The following VPS53 variants were observed in gnomAD, a reference collection of about 807,000 sequenced individuals.
VPS53 encodes the protein VPS53 subunit of GARP complex, also known as vacuolar protein sorting-associated protein 53 homolog.
In VPS53, 70 loss-of-function variants were observed where a neutral mutation model predicts 107.0. That is an observed-to-expected ratio of 0.65 (90% confidence interval 0.54 to 0.80). The LOEUF is 0.80. Ranked by LOEUF, VPS53 falls within the 30% of genes least tolerant of loss-of-function variation. The pLI is 0.00. For missense variants in VPS53, 917 were observed against 1,049.4 expected (o/e 0.87, Z 1.74); for synonymous variants, 409 against 393.3 (o/e 1.04, Z -0.47).
At chr17:697,781 C>A (rs1490215752) in intron 3 of VPS53, among the ~76,000 whole-genome samples, 1 of 152,156 alleles carries the variant, frequency 6.6e-6, no homozygotes, top group East Asian at 1.9e-4. Context: ...TGGAGTACAT[C>A]AGGAATGACA....
intron 7 of VPS53, 79 bp downstream of exon 7, chr17:653,212 C>T (rs1026040055): frequency 6.3e-5 from 99 of 1,567,590 alleles, no homozygotes; most frequent in Non-Finnish European, 7.4e-5. Flanking sequence ...ATATACTTTC[C>T]CTCTGGTGAC....
intron 12 of VPS53, among the ~76,000 whole-genome samples, chr17:592,524 G>A (rs1034414479): frequency 2.0e-4 from 30 of 152,240 alleles, no homozygotes; most frequent in Non-Finnish European, 1.5e-4. Context: ...TGCAGTGGCT[G>A]GTACCGGTTG....
chr17:707,551 C>A (rs890069234), intron 2 of VPS53, among the ~76,000 whole-genome samples: 1 of 145,648 alleles, frequency 6.9e-6, no homozygotes, highest in Admixed American at 6.9e-5. Flanking sequence ...AAAATCAGTT[C>A]TGTGAAAAAT....
At chr17:596,503 C>A (rs8069154) in intron 12 of VPS53, among the ~76,000 whole-genome samples, 8,120 of 152,250 alleles carry the variant, frequency 0.053, 696 homozygotes, top group African/African-American at 0.18. Context: ...CTGCCCTGCC[C>A]TCCCCACCAA....
At chr17:708,264 T>G (rs1289698208) in intron 2 of VPS53, among the ~76,000 whole-genome samples, 1 of 151,984 alleles carries the variant, frequency 6.6e-6, no homozygotes, top group Non-Finnish European at 1.5e-5. Flanking sequence ...GGGTAAGGAG[T>G]GTGGGTCATC....
chr17:530,863 A>G (rs1304032492), intron 19 of VPS53, among the ~76,000 whole-genome samples: 1 of 152,230 alleles, frequency 6.6e-6, no homozygotes, highest in Non-Finnish European at 1.5e-5. Context: ...CTCACTTTAT[A>G]TAGTACTCAG....
intron 13 of VPS53, among the ~76,000 whole-genome samples, chr17:575,763 G>A (rs988370006): frequency 1.4e-5 from 2 of 146,342 alleles, no homozygotes; most frequent in Non-Finnish European, 3.0e-5. Context: ...GACCTAGTGC[G>A]TCCCAGAGAC....
rs143957110 is a variant in VPS53 at position 609,992 on chromosome 17, C to T, written c.1117-8096G>A. On this transcript the variant is annotated intron_variant, in intron 11 of 21. Coordinates refer to ENST00000437048, the MANE Select transcript of VPS53 (RefSeq NM_001128159.3). ...AATATAAAAAAAAAAATTAGCCAGG[C>T]GTGGTGGCGGGCGCCTGTAGTCCCA... Among the ~76,000 whole-genome samples, 315 of 151,958 alleles carry T rather than the reference C, an allele frequency of 2.1e-3. 4 individuals are homozygous for T. The East Asian group carries it at 0.051, about 25-fold the overall frequency.
intron 17 of VPS53, among the ~76,000 whole-genome samples, chr17:545,797 A>C (rs1163298542): frequency 6.6e-6 from 1 of 152,270 alleles, no homozygotes; most frequent in African/African-American, 2.4e-5. Context: ...TTACATAACA[A>C]AGCAGAAAGG....
intron 18 of VPS53, 98 bp downstream of exon 18, chr17:536,930 C>T (rs1910124813): frequency 6.8e-7 from 1 of 1,475,144 alleles, no homozygotes; most frequent in African/African-American, 1.4e-5. Context: ...AATCTCTGTG[C>T]TTGCTGCTTA....
At chr17:562,387 T>C in intron 14 of VPS53, 116 bp downstream of exon 14, 1 of 1,428,582 alleles carries the variant, frequency 7.0e-7, no homozygotes, top group Non-Finnish European at 9.6e-7. Context: ...TCAGGAAGCG[T>C]GCTTTCCTCC....
chr17:699,246 A>T (rs2143930569), intron 3 of VPS53, 85 bp downstream of exon 3: 1 of 1,149,006 alleles, frequency 8.7e-7, no homozygotes, highest in South Asian at 2.4e-5. Flanking sequence ...CAGTGCTCTC[A>T]CAGAAAAATG....
In VPS53 at chr17:508,999, A is replaced by C. The variant is rs989432504; in HGVS notation, c.*10129T>G. 6.6e-6 allele frequency: 1 copy of C among 152,186 alleles called. No individual in the cohort carries two copies. The highest frequency in any genetic ancestry group is 1.5e-5 in the Non-Finnish European group (1 of 68,042). 9.4% of individuals were successfully genotyped at this position (152,186 alleles called of 1,614,324 possible). Reference sequence around the variant, plus strand: ...GTAAAATTTTGTCCCATAAATTTGAAAACTGCTGGTGAAGTACAAAAGGCA... The same window carrying C: ...GTAAAATTTTGTCCCATAAATTTGACAACTGCTGGTGAAGTACAAAAGGCA... On this transcript the variant is annotated 3_prime_UTR_variant, in exon 22 of 22. Transcript: ENST00000437048.
intron 15 of VPS53, among the ~76,000 whole-genome samples, chr17:555,766 T>C (rs1170231553): frequency 1.3e-5 from 2 of 152,242 alleles, no homozygotes; most frequent in Admixed American, 1.3e-4. Flanking sequence ...ATCATTATGA[T>C]GTAGTTTTCT....
intron 4 of VPS53, among the ~76,000 whole-genome samples, chr17:672,164 A>AAT (rs1441151585): frequency 4.3e-5 from 4 of 91,978 alleles, no homozygotes; most frequent in African/African-American, 1.4e-4. Context: ...TCTCTCTCTC[A>AAT]CACAATCTCA....
chr17:629,097 A>C (rs933668273), intron 8 of VPS53, among the ~76,000 whole-genome samples: 2 of 152,214 alleles, frequency 1.3e-5, no homozygotes, highest in African/African-American at 4.8e-5. Flanking sequence ...GTGATAAGTA[A>C]GGTTCTTCTA....
chr17:682,395 G>A (rs1203127137), intron 4 of VPS53, among the ~76,000 whole-genome samples: 1 of 152,176 alleles, frequency 6.6e-6, no homozygotes, highest in Non-Finnish European at 1.5e-5. Context: ...ACCTAGCAGA[G>A]AGCTAAAGGT....
intron 7 of VPS53, among the ~76,000 whole-genome samples, chr17:637,673 G>A (rs139289537): frequency 0.021 from 3,202 of 152,196 alleles, 45 homozygotes; most frequent in Non-Finnish European, 0.029. Flanking sequence ...ATTTCATTAT[G>A]TATCCAGTAG....
rs150151894 is a variant in VPS53 at position 608,786 on chromosome 17, T to A, written c.1117-6890A>T. Among the ~76,000 whole-genome samples the A allele has an allele frequency of 2.3e-3, 350 of 152,106 alleles. 1 individual carries two copies. Among genetic ancestry groups the A allele is most frequent in the African/African-American group, 7.5e-3 (312 of 41,522 alleles). ...GCACACTACCACGCCCTGCTCATTTTAAAATTTTTTTTTAGAGACAGGGTC... is the reference window on the plus strand; with the variant it reads ...GCACACTACCACGCCCTGCTCATTTAAAAATTTTTTTTTAGAGACAGGGTC... On this transcript the variant is annotated intron_variant, in intron 11 of 21. Transcript: ENST00000437048.
Sources: gnomAD v4.1 joint callset for allele counts (sites outside exome capture counted in the v4.1 genomes callset) on GRCh38, gnomAD v4.1.1 for gene constraint, MANE v1.5 for transcripts, NCBI Gene and HGNC (gene_info 2026-07-23, HGNC 2026-07-21) for gene names.